Variants in F10 observed in about 807,000 individuals in gnomAD.
F10 encodes Stuart-Prower factor.
In F10, 29 loss-of-function variants were observed where a neutral mutation model predicts 37.1. The observed-to-expected ratio is 0.78, with a 90% CI of 0.58 to 1.07. F10 has a LOEUF of 1.07. Ranked by LOEUF, F10 falls within the 50% of genes least tolerant of loss-of-function variation. F10 has a pLI of 0.00. For synonymous variants in F10, 262 were observed against 268.6 expected, an observed-to-expected ratio of 0.98 and a Z score of 0.24; for missense variants, 539 against 667.9, an observed-to-expected ratio of 0.81 and a Z score of 2.13.
In F10 at chr13:113,133,922, C is replaced by T. The variant is rs139081581; in HGVS notation, c.231+4310C>T. Among the ~76,000 whole-genome samples, 64 of 152,298 alleles carry T rather than the reference C, an allele frequency of 4.2e-4. No homozygotes were observed. The Middle Eastern group carries it at 0.01, about 24-fold the overall frequency. On this transcript the variant is annotated intron_variant, in intron 2 of 7. Coordinates refer to ENST00000375559, the MANE Select transcript of F10 (RefSeq NM_000504.4). ...CCATATAAACAAAAGAGAACATCCA[C>T]ATAATCATGTCAATTGATGCAACAA...
At chr13:113,130,362 G>A (rs1025097661) in intron 2 of F10, 1 of 153,704 alleles carries the variant, frequency 6.5e-6, no homozygotes, top group African/African-American at 2.4e-5. Flanking sequence ...GGCTTCGAAC[G>A]AACCTGGAAA....
intron 2 of F10, among the ~76,000 whole-genome samples, chr13:113,133,861 G>A (rs2036455417): frequency 6.6e-6 from 1 of 152,150 alleles, no homozygotes; most frequent in Non-Finnish European, 1.5e-5. Context: ...GGGCACACAT[G>A]ACTGGCTCAA....
chr13:113,147,647 A>C (rs2036594544), intron 7 of F10, 151 bp downstream of exon 7: 1 of 660,794 alleles, frequency 1.5e-6, no homozygotes, highest in East Asian at 2.7e-5. Context: ...ACAGAGGAAG[A>C]AGATGAGGAA....
At chr13:113,124,787 G>A (rs2036355180) in intron 1 of F10, among the ~76,000 whole-genome samples, 1 of 152,256 alleles carries the variant, frequency 6.6e-6, no homozygotes, top group Non-Finnish European at 1.5e-5. Context: ...TAAAGCAACA[G>A]AAACATTTCT....
rs1389414049 is a variant in F10 at position 113,137,319 on chromosome 13, T to A, written c.232-1138T>A. On this transcript the variant is annotated intron_variant, in intron 2 of 7. Transcript: ENST00000375559. The stretch of plus-strand genomic sequence containing the variant: ...TGTTATCATTGTGATAAAGAATAGA[T>A]TAGTGGTGGGACAGGGTTTGCCAAG... 1.6e-4 allele frequency among the ~76,000 whole-genome samples: 24 copies of A among 151,888 alleles called. 1 individual carries two copies. Among genetic ancestry groups the A allele is most frequent in the Admixed American group, 1.5e-3 (23 of 15,252 alleles).
intron 1 of F10, among the ~76,000 whole-genome samples, chr13:113,125,018 A>G (rs2036357727): frequency 6.6e-6 from 1 of 152,178 alleles, no homozygotes; most frequent in Non-Finnish European, 1.5e-5. Context: ...TCAGAAGGAC[A>G]CCAGTCATTG....
chr13:113,149,154 C>T lies in F10; in HGVS notation c.1104C>T (p.His368=), dbSNP rs751610729. ...TTGTGAGCGGCTTCGGGCGCACCCA[C>T]GAGAAGGGCCGGCAGTCCACCAGGC... ...TGIVSGFGRT[H]EKGRQSTRLK... Residue 368 remains histidine, a synonymous_variant, in exon 8 of 8, where the codon CAC becomes CAT. Transcript: ENST00000375559. This position sits in a 1 kb window ranked among gnomAD's most constrained non-coding sequence, Gnocchi z 7.5. 1.9e-6 allele frequency: 3 copies of T among 1,612,962 alleles called. No homozygotes were observed. The highest frequency in any genetic ancestry group is 2.2e-5 in the South Asian group (2 of 91,078).
At chr13:113,147,331 C>T (rs1425455818) in intron 6 of F10, 48 bp from the exon 7 acceptor site, 4 of 1,319,562 alleles carry the variant, frequency 3.0e-6, no homozygotes, top group East Asian at 4.6e-5. Context: ...AGTCAGGCAA[C>T]ACCTGTCCAC....
chr13:113,145,529 G>A lies in F10; in HGVS notation c.747+1434G>A, dbSNP rs183757652. ...AGTATCGCATGAAGCATACATATGC[G>A]AAAAATTATTTGCTGTTTATCTGAT... On this transcript the variant is annotated intron_variant, in intron 6 of 7. Coordinates refer to ENST00000375559, the MANE Select transcript of F10 (RefSeq NM_000504.4). Among the ~76,000 whole-genome samples, 8 of 152,222 alleles carry A rather than the reference G, an allele frequency of 5.3e-5. No individual in the cohort carries two copies. The East Asian group carries it at 7.7e-4, about 15-fold the overall frequency.
At chr13:113,135,687 A>G (rs772815615) in intron 2 of F10, among the ~76,000 whole-genome samples, 1 of 152,218 alleles carries the variant, frequency 6.6e-6, no homozygotes, top group Non-Finnish European at 1.5e-5. Flanking sequence ...GAACAATTAT[A>G]TATTTATATG....
intron 2 of F10, chr13:113,132,189 CAG>C (rs1271065080): frequency 2.0e-4 from 31 of 152,260 alleles, no homozygotes; most frequent in African/African-American, 6.5e-4. Flanking sequence ...TTGTCTCTAA[CAG>C]AAAAAATTTA....
chr13:113,124,125 G>A (rs760117935), intron 1 of F10, among the ~76,000 whole-genome samples: 19 of 150,840 alleles, frequency 1.3e-4, no homozygotes, highest in Non-Finnish European at 2.4e-4. Flanking sequence ...CTAGGATCCT[G>A]AGGCCCTAAG....
In F10 at chr13:113,141,932, G is replaced by A. The variant is rs533322242; in HGVS notation, c.502+882G>A. On this transcript the variant is annotated intron_variant, in intron 5 of 7. Transcript: ENST00000375559. This position sits in a 1 kb window ranked among gnomAD's most constrained non-coding sequence, Gnocchi z 5.4. ...AGCCCCCAGACCGTGTTCTGCCCCCGGCTACCATGACTGTCCCCTCCAGAC... is the reference window on the plus strand; with the variant it reads ...AGCCCCCAGACCGTGTTCTGCCCCCAGCTACCATGACTGTCCCCTCCAGAC... Among the ~76,000 whole-genome samples, 26 of 152,304 alleles carry A rather than the reference G, an allele frequency of 1.7e-4. No homozygotes were observed. Among genetic ancestry groups the A allele is most frequent in the East Asian group, 1.9e-4 (1 of 5,194 alleles).
chr13:113,148,390 A>C (rs2036604998), intron 7 of F10, among the ~76,000 whole-genome samples: 1 of 17,780 alleles, frequency 5.6e-5, no homozygotes, highest in African/African-American at 7.9e-5. Flanking sequence ...ATATATATAT[A>C]CATATATATA....
At position 113,139,446 on chromosome 13, in the gene F10, T is replaced by C. The variant is rs1187024153; in HGVS notation, c.346T>C (p.Phe116Leu). 6.2e-7 allele frequency: 1 copy of C among 1,613,870 alleles called. No individual in the cohort carries two copies. Among genetic ancestry groups the C allele is most frequent in the Non-Finnish European group, 8.5e-7 (1 of 1,179,858 alleles). Residue 116 changes from phenylalanine (F) to leucine (L), a missense_variant, in exon 4 of 8, where the codon TTC (phenylalanine) becomes CTC (leucine). Transcript: ENST00000375559. This position sits in a 1 kb window ranked among gnomAD's most constrained non-coding sequence, Gnocchi z 5.2. ...ATACACCTGCACCTGTTTAGAAGGA[T>C]TCGAAGGCAAAAACTGTGAATTATG... ...GEYTCTCLEG[F>L]EGKNCELFTR...
chr13:113,123,495 G>A (rs547971699), intron 1 of F10, among the ~76,000 whole-genome samples: 2 of 152,322 alleles, frequency 1.3e-5, no homozygotes, highest in South Asian at 2.1e-4. Flanking sequence ...CAAAAGCAGA[G>A]GCCCAGACAG....
intron 1 of F10, chr13:113,128,796 G>C (rs1172256122): frequency 6.6e-6 from 1 of 151,758 alleles, no homozygotes; most frequent in Non-Finnish European, 1.5e-5. Flanking sequence ...CAGGACAATG[G>C]CTTGAACCTG....
chr13:113,129,355 G>C (rs2036402753), intron 1 of F10, 97 bp from the exon 2 acceptor site: 1 of 1,486,800 alleles, frequency 6.7e-7, no homozygotes, highest in African/African-American at 1.4e-5. Context: ...TTTGTGATCT[G>C]GATATGGCAA....
chr13:113,132,645 G>A (rs1419022384), intron 2 of F10, among the ~76,000 whole-genome samples: 1 of 152,200 alleles, frequency 6.6e-6, no homozygotes, highest in African/African-American at 2.4e-5. Context: ...ACCCTAAAAA[G>A]TAAATCGCAG....
Sources: allele counts gnomAD v4.1 joint callset (sites outside exome capture counted in the v4.1 genomes callset), GRCh38; gene constraint gnomAD v4.1.1; non-coding constraint Gnocchi (gnomAD v3.1); transcripts MANE v1.5; gene names NCBI Gene and HGNC (gene_info 2026-07-23, HGNC 2026-07-21).